Variants in NCAPD3 observed in about 807,000 individuals in gnomAD.
NCAPD3 encodes the protein non-SMC condensin II complex subunit D3, also known as condensin-2 complex subunit D3.
In NCAPD3, 105 loss-of-function variants were observed where a neutral mutation model predicts 182.9. That is an observed-to-expected ratio of 0.57 (90% confidence interval 0.49 to 0.68). The LOEUF is 0.68. Ranked by LOEUF, NCAPD3 falls within the 30% of genes least tolerant of loss-of-function variation. The pLI is 0.00. For synonymous variants in NCAPD3, 815 were observed against 679.9 expected (o/e 1.20, Z -3.09); for missense variants, 1,944 against 1,837.0 (o/e 1.06, Z -1.07).
At chr11:134,222,281 C>T (rs1432551853) in intron 1 of NCAPD3, among the ~76,000 whole-genome samples, 2 of 152,218 alleles carry the variant, frequency 1.3e-5, no homozygotes, top group East Asian at 3.8e-4. Flanking sequence ...AAATACATCA[C>T]CTATTCACTC....
Position 134,168,077 on chromosome 11 carries a change from G to T in NCAPD3, c.3492C>A (p.Asp1164Glu). 1 of 1,614,148 alleles carries T rather than the reference G, an allele frequency of 6.2e-7. No individual in the cohort carries two copies. Among genetic ancestry groups the T allele is most frequent in the South Asian group, 1.1e-5 (1 of 91,086 alleles). ...CATCTTCTTCCATAAGGAGGTCTTT[G>T]TCTGGTTTAGATCTCATTGCCAAAA... ...IKLLAMRSKP[D>E]KDLLMEEDDM... is the part of the protein sequence containing the mutation. The change falls in exon 27 of 35, where the codon GAC becomes GAA. Residue 1164 changes from aspartate (D) to glutamate (E), a missense_variant. Around this residue, in one of 3 missense-constraint regions of NCAPD3, gnomAD observed 1,803 missense variants for 1,674.6 expected, o/e 1.08. Coordinates refer to ENST00000534548, the MANE Select transcript of NCAPD3 (RefSeq NM_015261.3).
At chr11:134,208,251 T>C (rs1016889129) in intron 7 of NCAPD3, among the ~76,000 whole-genome samples, 1 of 152,232 alleles carries the variant, frequency 6.6e-6, no homozygotes, top group Non-Finnish European at 1.5e-5. Flanking sequence ...TGCAAAATCT[T>C]ATTGTTTCAT....
At position 134,188,380 on chromosome 11, in the gene NCAPD3, A is replaced by G. The variant is rs189196742; in HGVS notation, c.2046-2854T>C. Among the ~76,000 whole-genome samples, 872 of 152,336 alleles carry G rather than the reference A, an allele frequency of 5.7e-3. 6 individuals carry two copies. The highest frequency in any genetic ancestry group is 0.02 in the African/African-American group (828 of 41,554). ...AATTAGCAGGACATGGGCGGGGCCA[A>G]ATAAGGGAATAAAAGCTGGCCACCC... On this transcript the variant is annotated intron_variant, in intron 16 of 34. Transcript: ENST00000534548.
intron 2 of NCAPD3, 101 bp downstream of exon 2, chr11:134,220,471 G>A: frequency 8.7e-7 from 1 of 1,150,882 alleles, no homozygotes; most frequent in Non-Finnish European, 1.3e-6. Flanking sequence ...TGTACTCCCT[G>A]TGAACTGTAC....
At chr11:134,194,568 T>A in intron 14 of NCAPD3, 97 bp downstream of exon 14, 1 of 784,210 alleles carries the variant, frequency 1.3e-6, no homozygotes, top group Non-Finnish European at 2.0e-6. Flanking sequence ...GAAAAGCAAA[T>A]TAAGTAATGA....
intron 14 of NCAPD3, 77 bp from the exon 15 acceptor site, chr11:134,194,227 A>T: frequency 1.1e-5 from 16 of 1,410,940 alleles, no homozygotes; most frequent in Non-Finnish European, 1.5e-5. Context: ...ACAAAGGAAC[A>T]CTTCCTTTAA....
chr11:134,180,986 C>A, intron 20 of NCAPD3, 91 bp downstream of exon 20: 1 of 894,392 alleles, frequency 1.1e-6, no homozygotes, highest in Non-Finnish European at 1.8e-6. Context: ...TTGTTAAAAG[C>A]ATTTAAAGCG....
In NCAPD3 at chr11:134,181,191, C is replaced by A; in HGVS notation, c.2452-7G>T. On this transcript the variant is annotated splice_polypyrimidine_tract_variant and splice_region_variant and intron_variant, in intron 19 of 34. Transcript: ENST00000534548. ...ACACCTGCGTCAGCAATTCCTACGGCAAGTCAAAAGTCATCTCTGAAGGGC... is the reference window on the plus strand; with the variant it reads ...ACACCTGCGTCAGCAATTCCTACGGAAAGTCAAAAGTCATCTCTGAAGGGC... 3 of 1,608,482 alleles carry A rather than the reference C, an allele frequency of 1.9e-6. No homozygotes were observed. Among genetic ancestry groups the A allele is most frequent in the Non-Finnish European group, 2.6e-6 (3 of 1,175,326 alleles).
intron 12 of NCAPD3, 85 bp downstream of exon 12, chr11:134,203,057 T>C: frequency 8.2e-7 from 1 of 1,219,254 alleles, no homozygotes; most frequent in South Asian, 1.3e-5. Context: ...AGCAGGTAAA[T>C]AAGGAGGTAA....
chr11:134,159,214 T>TA (rs1490170780), intron 29 of NCAPD3, among the ~76,000 whole-genome samples: 1 of 152,204 alleles, frequency 6.6e-6, no homozygotes, highest in Non-Finnish European at 1.5e-5. Context: ...TACCTCTACT[T>TA]TTAGTTTTTT....
chr11:134,196,645 C>CAAAAA (rs998502328), intron 13 of NCAPD3, among the ~76,000 whole-genome samples: 17 of 57,028 alleles, frequency 3.0e-4, no homozygotes, highest in Admixed American at 7.1e-4. Flanking sequence ...AACTCCATCT[C>CAAAAA]AAAAAAAAAA....
intron 3 of NCAPD3, among the ~76,000 whole-genome samples, chr11:134,212,376 T>TGTGTGTGTGTGTGTGTGTGC (rs1937868104): frequency 2.5e-5 from 1 of 39,436 alleles, no homozygotes; most frequent in African/African-American, 3.7e-4. Context: ...TTTGTTGTTT[T>TGTGTGTGTGTGTGTGTGTGC]GTGTGTGTGT....
chr11:134,184,469 A>C (rs1178620157), intron 19 of NCAPD3, among the ~76,000 whole-genome samples, 168 bp downstream of exon 19: 1 of 152,222 alleles, frequency 6.6e-6, no homozygotes, highest in African/African-American at 2.4e-5. Flanking sequence ...TTCTTGGGGA[A>C]TGTCAATTGC....
intron 28 of NCAPD3, among the ~76,000 whole-genome samples, 191 bp from the exon 29 acceptor site, chr11:134,160,265 GGACT>G (rs1308681133): frequency 2.6e-5 from 4 of 152,144 alleles, no homozygotes; most frequent in African/African-American, 7.2e-5. Flanking sequence ...AGGAACAATA[GGACT>G]GACATTACTG....
At chr11:134,213,228 C>A (rs1216817820) in intron 3 of NCAPD3, among the ~76,000 whole-genome samples, 1 of 152,112 alleles carries the variant, frequency 6.6e-6, no homozygotes, top group Non-Finnish European at 1.5e-5. Flanking sequence ...GTAGTTCCAG[C>A]TATTCTGGAG....
intron 25 of NCAPD3, among the ~76,000 whole-genome samples, 154 bp from the exon 26 acceptor site, chr11:134,168,756 C>T (rs540707809): frequency 3.3e-5 from 5 of 152,238 alleles, no homozygotes; most frequent in East Asian, 1.9e-4. Context: ...CCTTAGGAAG[C>T]GATTCTCACG....
intron 27 of NCAPD3, among the ~76,000 whole-genome samples, chr11:134,165,710 C>T (rs1257973270): frequency 6.8e-6 from 1 of 146,842 alleles, no homozygotes; most frequent in Non-Finnish European, 1.5e-5. Flanking sequence ...GGGAGGCGCA[C>T]ACTCGTGAGA....
chr11:134,193,717 C>A (rs892955424), intron 15 of NCAPD3, among the ~76,000 whole-genome samples: 1 of 152,212 alleles, frequency 6.6e-6, no homozygotes, highest in African/African-American at 2.4e-5. Context: ...TGTGCCACTG[C>A]ACTCTAAGCC....
At chr11:134,222,880 T>TTA (rs1215010078) in intron 1 of NCAPD3, among the ~76,000 whole-genome samples, 1 of 152,238 alleles carries the variant, frequency 6.6e-6, no homozygotes, top group East Asian at 1.9e-4. Context: ...TCAGCAGTTA[T>TTA]TATGTGGCAA....
Sources: allele counts gnomAD v4.1 joint callset (sites outside exome capture counted in the v4.1 genomes callset), GRCh38; gene constraint gnomAD v4.1.1; regional missense constraint gnomAD v4.1.1; transcripts MANE v1.5; gene names NCBI Gene and HGNC (gene_info 2026-07-23, HGNC 2026-07-21).